RSF1: variants seen among roughly 807,000 people sequenced by gnomAD.
The protein encoded by RSF1 is remodeling and spacing factor 1.
Under a neutral mutation model 145.2 loss-of-function variants are expected in RSF1, and 13 were observed. The ratio of observed to expected loss-of-function variants is 0.09; its 90% CI spans 0.06 to 0.14. RSF1 has a LOEUF of 0.14. Among genes scored for constraint, RSF1 ranks in the 10% least tolerant of loss-of-function variants. The pLI, the probability that RSF1 is intolerant of heterozygous loss-of-function variation, is 1.00. For synonymous variants in RSF1, 577 were observed against 592.6 expected (o/e 0.97, Z 0.38); for missense variants, 1,517 against 1,718.2 (o/e 0.88, Z 2.07).
At chr11:77,769,040 A>T (rs1220615860) in intron 1 of RSF1, among the ~76,000 whole-genome samples, 1 of 152,042 alleles carries the variant, frequency 6.6e-6, no homozygotes, top group Non-Finnish European at 1.5e-5. Flanking sequence ...ATGGCTTTGG[A>T]CAGCTGTAAA....
At chr11:77,774,480 G>A (rs1417295137) in intron 1 of RSF1, among the ~76,000 whole-genome samples, 1 of 151,868 alleles carries the variant, frequency 6.6e-6, no homozygotes, top group Non-Finnish European at 1.5e-5. Context: ...GCTGAGGCAG[G>A]AGAATCACTT....
At chr11:77,795,082 A>G (rs139819556) in intron 1 of RSF1, among the ~76,000 whole-genome samples, 118 of 152,348 alleles carry the variant, frequency 7.7e-4, no homozygotes, top group Middle Eastern at 6.8e-3. Context: ...TCAAGAAGGC[A>G]ATCCCATTTG....
chr11:77,684,758 C>G (rs2135829103), intron 10 of RSF1, among the ~76,000 whole-genome samples: 1 of 152,200 alleles, frequency 6.6e-6, no homozygotes, highest in South Asian at 2.1e-4. Context: ...GAGACCAAGA[C>G]AGGCAGATCA....
chr11:77,775,056 C>T (rs573506582), intron 1 of RSF1, among the ~76,000 whole-genome samples: 18 of 151,772 alleles, frequency 1.2e-4, no homozygotes, highest in Middle Eastern at 6.8e-3. Context: ...TGAGCCACTG[C>T]GCCCGGCCGT....
At chr11:77,819,924 G>A (rs1427738653) in intron 1 of RSF1, among the ~76,000 whole-genome samples, 1 of 152,016 alleles carries the variant, frequency 6.6e-6, no homozygotes, top group Non-Finnish European at 1.5e-5. Flanking sequence ...AGGAGTTTTA[G>A]GGGTTAAAGC....
intron 1 of RSF1, among the ~76,000 whole-genome samples, chr11:77,792,619 C>A (rs1425943229): frequency 1.2e-4 from 18 of 152,090 alleles, no homozygotes; most frequent in Non-Finnish European, 7.3e-5. Context: ...AAAACAGGTA[C>A]CCCTGACGTT....
At chr11:77,740,114 G>A (rs1049745157) in intron 4 of RSF1, among the ~76,000 whole-genome samples, 2 of 152,242 alleles carry the variant, frequency 1.3e-5, no homozygotes, top group African/African-American at 2.4e-5. Flanking sequence ...GGTGGCCAAC[G>A]CCTGTAATCC....
intron 4 of RSF1, among the ~76,000 whole-genome samples, chr11:77,730,205 C>G (rs946517876): frequency 6.6e-6 from 1 of 152,030 alleles, no homozygotes; most frequent in Admixed American, 6.6e-5. Context: ...TGAAGTCTGA[C>G]TTTAGAGCCC....
chr11:77,754,347 A>C (rs928638976), intron 2 of RSF1, among the ~76,000 whole-genome samples: 4 of 152,184 alleles, frequency 2.6e-5, no homozygotes, highest in Non-Finnish European at 5.9e-5. Context: ...CATGCCTGTA[A>C]TCCCAACACT....
At chr11:77,734,817 C>G (rs1961301341) in intron 4 of RSF1, 2 of 1,595,306 alleles carry the variant, frequency 1.3e-6, no homozygotes. Context: ...GCAGCTTCAT[C>G]AGTTTCTCAG....
In RSF1 at chr11:77,702,064, T is replaced by G. The variant is rs1363037658; in HGVS notation, c.1165A>C (p.Ile389Leu). Reference protein sequence around the residue: ...QAKIPLKKREIKLSDDFDSPV... With the variant: ...QAKIPLKKRELKLSDDFDSPV... ...CTGTCAAAATCATCACTCAGTTTAA[T>G]TTCTCGTTTTTTTAGTGGTATCTTG... The change falls in exon 6 of 16, where the codon ATT becomes CTT. Residue 389 changes from isoleucine to leucine, a missense_variant. This residue lies in a region of RSF1 where 5 missense variants were observed against 23.6 expected (regional missense o/e 0.21). Transcript: ENST00000308488. 1 of 1,613,054 alleles carries G rather than the reference T, an allele frequency of 6.2e-7. No homozygotes were observed. The highest frequency in any genetic ancestry group is 8.5e-7 in the Non-Finnish European group (1 of 1,179,768).
At chr11:77,789,606 G>A (rs767065961) in intron 1 of RSF1, among the ~76,000 whole-genome samples, 8 of 152,154 alleles carry the variant, frequency 5.3e-5, no homozygotes, top group Admixed American at 1.3e-4. Context: ...CCACCCACCA[G>A]TCTAAGCTAC....
chr11:77,820,752 CG>C, upstream of RSF1: 3 of 1,522,532 alleles, frequency 2.0e-6, no homozygotes, highest in Non-Finnish European at 2.6e-6. Context: ...GATGGGGGGG[CG>C]GGGGAAGTTG....
intron 4 of RSF1, among the ~76,000 whole-genome samples, chr11:77,737,718 T>C (rs1961400292): frequency 1.2e-5 from 1 of 83,420 alleles, no homozygotes; most frequent in East Asian, 2.9e-4. Context: ...TGGTCAAGCA[T>C]GAGAAGAGGT....
At chr11:77,833,081 T>G in the RSF1 span, among the ~76,000 whole-genome samples, 1 of 144,730 alleles carries the variant, frequency 6.9e-6, no homozygotes, top group Non-Finnish European at 1.5e-5. Flanking sequence ...GCAGATCTCA[T>G]ATCAGTGCAA....
chr11:77,755,999 T>C (rs893396646), intron 2 of RSF1, among the ~76,000 whole-genome samples: 12 of 152,172 alleles, frequency 7.9e-5, no homozygotes, highest in Non-Finnish European at 1.3e-4. Flanking sequence ...AAGGTATTGT[T>C]TTTATCTTAA....
At chr11:77,840,285 T>G in the RSF1 span, among the ~76,000 whole-genome samples, 26 of 152,146 alleles carry the variant, frequency 1.7e-4, no homozygotes, top group African/African-American at 5.8e-4. Context: ...TCCCAGCACT[T>G]TGGGAGGCCA....
In RSF1 at chr11:77,702,146, G is replaced by A. The variant is rs942936268; in HGVS notation, c.1083C>T (p.His361=). 6 of 1,613,564 alleles carry A rather than the reference G, an allele frequency of 3.7e-6. No individual in the cohort carries two copies. The highest frequency in any genetic ancestry group is 1.7e-5 in the Admixed American group (1 of 59,954). ...CTTCAGTAGATTTCTCAGTAATTTC[G>A]TGAGAAGATTTAATATTGCCACCAA... ...IEFGGNIKSS[H]EITEKSTEET... The change falls in exon 6 of 16, where the codon CAC becomes CAT. Residue 361 remains histidine (H), a synonymous_variant. Transcript: ENST00000308488.
At chr11:77,679,309 A>G (rs1194471353) in intron 11 of RSF1, among the ~76,000 whole-genome samples, 1 of 152,268 alleles carries the variant, frequency 6.6e-6, no homozygotes, top group Non-Finnish European at 1.5e-5. Context: ...ATAATTTGCC[A>G]ACTCCTAATT....
Sources: gnomAD v4.1 joint callset for allele counts (sites outside exome capture counted in the v4.1 genomes callset) on GRCh38, gnomAD v4.1.1 for gene constraint, gnomAD v4.1.1 regional missense constraint, MANE v1.5 for transcripts, NCBI Gene and HGNC (gene_info 2026-07-23, HGNC 2026-07-21) for gene names.